The following PNPLA1 variants were observed in gnomAD, a reference collection of about 807,000 sequenced individuals.
PNPLA1 encodes the protein patatin like domain 1, omega-hydroxyceramide transacylase.
Under a neutral mutation model 51.7 loss-of-function variants are expected in PNPLA1, and 36 were observed. That is an observed-to-expected ratio of 0.70 (90% CI 0.53 to 0.92). The LOEUF (loss-of-function observed/expected upper bound fraction) is 0.92. Among genes scored for constraint, PNPLA1 ranks in the 40% least tolerant of loss-of-function variants. PNPLA1 has a pLI of 0.00. For synonymous variants in PNPLA1, 293 were observed against 280.1 expected (o/e 1.05, Z -0.46); for missense variants, 658 against 682.5 (o/e 0.96, Z 0.40).
rs748310345 is a variant in PNPLA1 at position 36,294,240 on chromosome 6, C to T, written c.555C>T (p.Thr185=). The change falls in exon 4 of 9, where the codon ACC becomes ACT. Residue 185 remains threonine (T), a synonymous_variant. Transcript: ENST00000636260. This position sits in a 1 kb window ranked among gnomAD's most constrained non-coding sequence, Gnocchi z 4.2. ...GCATGCAGCCCTGTGCCTTCTGGAC[C>T]GACGCCATCACCATCTCCACCTTCA... The part of the protein sequence containing the change: ...FTGMQPCAFW[T]DAITISTFSG... The T allele has an allele frequency of 2.5e-5, 41 of 1,614,072 alleles. No individual in the cohort carries two copies. Among genetic ancestry groups the T allele is most frequent in the East Asian group, 1.6e-4 (7 of 44,902 alleles).
chr6:36,269,949 G>A (rs1407234180), upstream of PNPLA1, among the ~76,000 whole-genome samples: 1 of 152,212 alleles, frequency 6.6e-6, no homozygotes, highest in African/African-American at 2.4e-5. Context: ...GGGCTTGGAA[G>A]CCCTTCACGG....
chr6:36,283,496 C>T (rs1022759212), intron 1 of PNPLA1, among the ~76,000 whole-genome samples: 1 of 152,114 alleles, frequency 6.6e-6, no homozygotes, highest in African/African-American at 2.4e-5. Flanking sequence ...GAAATCACCA[C>T]GTAAGGAAGA....
chr6:36,250,757 G>A (rs1383650614), intron 1 of PNPLA1, among the ~76,000 whole-genome samples: 1 of 152,162 alleles, frequency 6.6e-6, no homozygotes, highest in Admixed American at 6.5e-5. Context: ...AGGCTAGAGT[G>A]CAGTGGCGTG....
At chr6:36,257,900 G>A (rs1002641662) in intron 1 of PNPLA1, among the ~76,000 whole-genome samples, 1 of 152,204 alleles carries the variant, frequency 6.6e-6, no homozygotes. Context: ...ATTACTGTTT[G>A]TGTTTATTTG....
At position 36,243,791 on chromosome 6, in the gene PNPLA1, G is replaced by A. The variant is rs756345879; in HGVS notation, c.-81+530G>A. ...TAGGGAGTGCCATGGACTGGTGCCTGGGGAATTGCATGGGAAAGGAAAAGA... is the reference window on the plus strand; with the variant it reads ...TAGGGAGTGCCATGGACTGGTGCCTAGGGAATTGCATGGGAAAGGAAAAGA... On this transcript the variant is annotated intron_variant, in intron 1 of 7. Coordinates refer to the PNPLA1 transcript ENST00000312917. Among the ~76,000 whole-genome samples, 5 of 152,248 alleles carry A rather than the reference G, an allele frequency of 3.3e-5. No homozygotes were observed. In the South Asian group the frequency reaches 1.0e-3, roughly 32 times the overall value.
chr6:36,255,228 G>C (rs1465474056), intron 1 of PNPLA1, among the ~76,000 whole-genome samples: 1 of 151,210 alleles, frequency 6.6e-6, no homozygotes, highest in African/African-American at 2.4e-5. Flanking sequence ...AAATTGGCCA[G>C]GTGCAGTAGC....
chr6:36,279,940 G>A (rs1397613467), intron 1 of PNPLA1, among the ~76,000 whole-genome samples: 1 of 152,238 alleles, frequency 6.6e-6, no homozygotes, highest in Admixed American at 6.5e-5. Flanking sequence ...GGGCGTGGTG[G>A]CTCACGCCTG....
intron 8 of PNPLA1, among the ~76,000 whole-genome samples, chr6:36,310,740 T>G (rs950508186): frequency 6.6e-6 from 1 of 152,054 alleles, no homozygotes; most frequent in Non-Finnish European, 1.5e-5. Flanking sequence ...CCTACGAGGG[T>G]GGTGGGAGCA....
chr6:36,312,676 G>A lies in PNPLA1; in HGVS notation c.*790G>A, dbSNP rs1000281022. 2.0e-5 allele frequency among the ~76,000 whole-genome samples: 3 copies of A among 152,172 alleles called. No individual in the cohort carries two copies. Among genetic ancestry groups the A allele is most frequent in the South Asian group, 4.1e-4 (2 of 4,832 alleles). Reference sequence around the variant, plus strand: ...TCCCCTGACTCTGGGCCCTTTTGAGGACCAGGGGCAACACCTATTCCCAGC... The same window carrying A: ...TCCCCTGACTCTGGGCCCTTTTGAGAACCAGGGGCAACACCTATTCCCAGC... On this transcript the variant is annotated 3_prime_UTR_variant, in exon 9 of 9. Coordinates refer to ENST00000636260, the MANE Select transcript of PNPLA1 (RefSeq NM_001374623.1).
chr6:36,283,763 C>T (rs1770392171), intron 1 of PNPLA1, among the ~76,000 whole-genome samples: 1 of 152,220 alleles, frequency 6.6e-6, no homozygotes, highest in African/African-American at 2.4e-5. Context: ...TGGTTTGCCT[C>T]ATCAGACCTC....
chr6:36,284,647 T>TTA (rs1770426363), intron 1 of PNPLA1, among the ~76,000 whole-genome samples: 1 of 152,120 alleles, frequency 6.6e-6, no homozygotes, highest in African/African-American at 2.4e-5. Context: ...GGGCAAGATT[T>TTA]CTTACCTGTA....
At chr6:36,293,011 C>T in intron 2 of PNPLA1, 50 bp from the exon 3 acceptor site, 2 of 1,526,944 alleles carry the variant, frequency 1.3e-6, no homozygotes, top group Non-Finnish European at 1.8e-6. Context: ...TGAGCTGTCC[C>T]CACCCCACCC....
At chr6:36,271,110 C>T (rs79632929) in intron 1 of PNPLA1, among the ~76,000 whole-genome samples, 1 of 152,128 alleles carries the variant, frequency 6.6e-6, no homozygotes, top group Non-Finnish European at 1.5e-5. Flanking sequence ...CTGATGGGGA[C>T]GTATTGTCCA....
At chr6:36,254,956 A>G (rs1561847648) in intron 1 of PNPLA1, among the ~76,000 whole-genome samples, 1 of 152,218 alleles carries the variant, frequency 6.6e-6, no homozygotes, top group Non-Finnish European at 1.5e-5. Flanking sequence ...AAATGCCTGC[A>G]TCATTGAAAA....
At chr6:36,293,028 C>T (rs1770735355) in intron 2 of PNPLA1, 33 bp from the exon 3 acceptor site, 2 of 1,583,734 alleles carry the variant, frequency 1.3e-6, no homozygotes, top group Non-Finnish European at 1.7e-6. Flanking sequence ...ACCCCCGGGC[C>T]TCCAGCATCT....
chr6:36,295,440 GC>G lies in PNPLA1; in HGVS notation c.775+20del, dbSNP rs1770830143. The G allele has an allele frequency of 1.2e-6, 2 of 1,613,816 alleles. No homozygotes were observed. The highest frequency in any genetic ancestry group is 1.7e-6 in the Non-Finnish European group (2 of 1,179,868). On this transcript the variant is annotated intron_variant, in intron 5 of 8. Transcript: ENST00000636260. ...AGGCGGCTGAGTAAGTACCGGTGGG[GC>G]CCCAGGTAAGGGCAGTGTTGGAGGG... is the stretch of plus-strand genomic sequence containing the variant.
intron 1 of PNPLA1, among the ~76,000 whole-genome samples, chr6:36,282,212 G>GGAAGGGAGGGAAGGAAGGAAGGAA (rs1554136650): frequency 2.8e-5 from 3 of 108,632 alleles, no homozygotes; most frequent in Non-Finnish European, 3.9e-5. Flanking sequence ...AAGGAAGGAA[G>GGAAGGGAGGGAAGGAAGGAAGGAA]GGAAGGAAGG....
intron 1 of PNPLA1, among the ~76,000 whole-genome samples, chr6:36,287,397 G>A (rs556731416): frequency 3.3e-5 from 5 of 152,208 alleles, no homozygotes; most frequent in African/African-American, 9.6e-5. Flanking sequence ...GTGGGCTGAG[G>A]GGTGGGAGCA....
At chr6:36,298,360 G>C (rs541745973) in intron 5 of PNPLA1, among the ~76,000 whole-genome samples, 2 of 152,256 alleles carry the variant, frequency 1.3e-5, no homozygotes, top group South Asian at 2.1e-4. Flanking sequence ...TAAATACCTA[G>C]AAATGGAATG....
Sources: gnomAD v4.1 joint callset for allele counts (sites outside exome capture counted in the v4.1 genomes callset) on GRCh38, gnomAD v4.1.1 for gene constraint, Gnocchi (gnomAD v3.1) non-coding constraint, MANE v1.5 for transcripts, NCBI Gene and HGNC (gene_info 2026-07-23, HGNC 2026-07-21) for gene names.